The following TJP2 variants were observed in gnomAD, a reference collection of about 807,000 sequenced individuals.
TJP2 encodes the protein tight junction protein 2, also known as Friedreich ataxia region gene X104 (tight junction protein ZO-2).
In TJP2, 91 loss-of-function variants were observed where a neutral mutation model predicts 133.1. The observed-to-expected ratio is 0.68, with a 90% CI of 0.58 to 0.81. The LOEUF is 0.81. Ranked by LOEUF, TJP2 falls within the 40% of genes least tolerant of loss-of-function variation. The pLI is 0.00. For missense variants in TJP2, 1,541 were observed against 1,565.6 expected (o/e 0.98, Z 0.26); for synonymous variants, 592 against 583.4 (o/e 1.01, Z -0.21).
chr9:69,171,898 C>T (rs1354458015), upstream of TJP2, among the ~76,000 whole-genome samples: 2 of 141,720 alleles, frequency 1.4e-5, no homozygotes, highest in African/African-American at 2.6e-5. Context: ...TGGGTTCAAG[C>T]GATTCTCCTG....
intron 1 of TJP2, among the ~76,000 whole-genome samples, chr9:69,148,781 G>A (rs2133327091): frequency 6.6e-6 from 1 of 152,282 alleles, no homozygotes; most frequent in Admixed American, 6.5e-5. Context: ...ACAATTGACT[G>A]AGTATTGCAA....
In TJP2 at chr9:69,252,799, T is replaced by G. The variant is rs200207199; in HGVS notation, c.3322-16T>G. The G allele has an allele frequency of 9.3e-6, 15 of 1,613,652 alleles. No individual in the cohort carries two copies. Among genetic ancestry groups the G allele is most frequent in the Non-Finnish European group, 1.3e-5 (15 of 1,179,596 alleles). Reference sequence around the variant, plus strand: ...CATTCTTTCACTCTTATTCTTTTCTTTTTTAATTACCACAGATCGAAATTG... The same window carrying G: ...CATTCTTTCACTCTTATTCTTTTCTGTTTTAATTACCACAGATCGAAATTG... On this transcript the variant is annotated splice_polypyrimidine_tract_variant and intron_variant, in intron 21 of 22. Coordinates refer to ENST00000377245, the MANE Select transcript of TJP2 (RefSeq NM_004817.4).
chr9:69,198,594 A>G (rs559613779), intron 1 of TJP2, among the ~76,000 whole-genome samples: 9 of 152,358 alleles, frequency 5.9e-5, no homozygotes, highest in East Asian at 5.8e-4. Context: ...CTGGTGACCT[A>G]TCACAAACCC....
intron 1 of TJP2, among the ~76,000 whole-genome samples, chr9:69,178,821 T>C (rs907259114): frequency 4.6e-5 from 7 of 152,166 alleles, no homozygotes; most frequent in African/African-American, 1.7e-4. Context: ...AGGAAGTATT[T>C]TGACACTGAT....
intron 1 of TJP2, among the ~76,000 whole-genome samples, chr9:69,202,592 T>C (rs1827074661): frequency 6.6e-6 from 1 of 152,232 alleles, no homozygotes; most frequent in African/African-American, 2.4e-5. Context: ...ATATGTATTA[T>C]ATACTGTTTT....
At chr9:69,164,215 T>G (rs1824233197) in intron 2 of TJP2, among the ~76,000 whole-genome samples, 1 of 152,218 alleles carries the variant, frequency 6.6e-6, no homozygotes. Flanking sequence ...AAGGCCACTT[T>G]CAGATCCGAA....
At chr9:69,236,536 G>T (rs1337862739) in intron 13 of TJP2, among the ~76,000 whole-genome samples, 3 of 152,136 alleles carry the variant, frequency 2.0e-5, no homozygotes, top group Non-Finnish European at 4.4e-5. Context: ...TAGCACACCA[G>T]CACACCTCTT....
chr9:69,239,025 T>C (rs912832058), intron 16 of TJP2, among the ~76,000 whole-genome samples: 4 of 151,238 alleles, frequency 2.6e-5, no homozygotes, highest in Admixed American at 2.0e-4. Flanking sequence ...CTGTCTCTAC[T>C]AAAAATATAA....
Position 69,226,186 on chromosome 9 carries a change from A to T in TJP2, c.1210+11A>T, listed in dbSNP as rs376902086. The T allele has an allele frequency of 6.2e-7, 1 of 1,613,966 alleles. No homozygotes were observed. The highest frequency in any genetic ancestry group is 1.7e-5 in the Admixed American group (1 of 60,014). On this transcript the variant is annotated intron_variant, in intron 7 of 22. Transcript: ENST00000377245. ...ACTCAGAAATAGAAGGTAAAGGAAG[A>T]GGAGGCTGTGAGCTTAGCTGGAAGT...
intron 1 of TJP2, among the ~76,000 whole-genome samples, chr9:69,208,570 A>T (rs999242417): frequency 6.6e-6 from 1 of 152,236 alleles, no homozygotes; most frequent in Non-Finnish European, 1.5e-5. Flanking sequence ...GAACTCATTT[A>T]TTTGGCTAAA....
intron 2 of TJP2, 92 bp downstream of exon 2, chr9:69,212,693 C>G: frequency 9.6e-7 from 1 of 1,039,156 alleles, no homozygotes; most frequent in Admixed American, 1.8e-5. Flanking sequence ...ACAGTTTTGG[C>G]TTTTTTTTTC....
intron 11 of TJP2, 84 bp from the exon 12 acceptor site, chr9:69,234,355 A>G (rs943427141): frequency 2.5e-6 from 3 of 1,211,146 alleles, no homozygotes; most frequent in African/African-American, 1.6e-5. Context: ...GCATCTTACT[A>G]TAAACTTCTC....
At chr9:69,183,410 G>A (rs559992712) in intron 1 of TJP2, among the ~76,000 whole-genome samples, 2 of 152,208 alleles carry the variant, frequency 1.3e-5, no homozygotes, top group South Asian at 2.1e-4. Context: ...CTTGAACTTG[G>A]GAGAGGACCC....
At chr9:69,158,335 A>C (rs939993665) in intron 2 of TJP2, among the ~76,000 whole-genome samples, 13 of 148,354 alleles carry the variant, frequency 8.8e-5, no homozygotes, top group African/African-American at 3.3e-4. Flanking sequence ...CTCAAAAAAA[A>C]AAAAAAAAAA....
chr9:69,159,705 CG>C (rs1419788044), intron 2 of TJP2, among the ~76,000 whole-genome samples: 1 of 151,782 alleles, frequency 6.6e-6, no homozygotes, highest in African/African-American at 2.4e-5. Context: ...GGTGAAACCC[CG>C]TCTCTACCAA....
At chr9:69,189,283 A>G (rs1370083694) in intron 1 of TJP2, among the ~76,000 whole-genome samples, 1 of 152,282 alleles carries the variant, frequency 6.6e-6, no homozygotes, top group African/African-American at 2.4e-5. Flanking sequence ...AAGACCTAGG[A>G]AGTCTCCACA....
intron 20 of TJP2, 187 bp downstream of exon 20, chr9:69,249,672 G>A: frequency 1.0e-6 from 1 of 985,394 alleles, no homozygotes; most frequent in Non-Finnish European, 1.2e-6. Context: ...AGGGCAAAAA[G>A]GAAGGAAAGG....
At chr9:69,210,742 C>CTTTTTTTTT (rs200516626) in intron 1 of TJP2, among the ~76,000 whole-genome samples, 5 of 117,872 alleles carry the variant, frequency 4.2e-5, no homozygotes, top group Non-Finnish European at 7.0e-5. Flanking sequence ...ATTTTGAGTT[C>CTTTTTTTTT]TTTTTTTTTT....
intron 2 of TJP2, among the ~76,000 whole-genome samples, chr9:69,161,427 C>T (rs1824065448): frequency 6.6e-6 from 1 of 152,124 alleles, no homozygotes; most frequent in South Asian, 2.1e-4. Flanking sequence ...TGGGGTTTCA[C>T]CATCTTGGCT....
Sources: allele counts gnomAD v4.1 joint callset (sites outside exome capture counted in the v4.1 genomes callset), GRCh38; gene constraint gnomAD v4.1.1; transcripts MANE v1.5; gene names NCBI Gene and HGNC (gene_info 2026-07-23, HGNC 2026-07-21).